The following MCTP1 variants were observed in gnomAD, a reference collection of about 807,000 sequenced individuals.
MCTP1 encodes the protein multiple C2 and transmembrane domain-containing protein 1.
In MCTP1, 69 loss-of-function variants were observed where a neutral mutation model predicts 120.6. The observed-to-expected ratio is 0.57, with a 90% CI of 0.47 to 0.70. The LOEUF is 0.70. Among genes scored for constraint, MCTP1 ranks in the 30% least tolerant of loss-of-function variants. The probability of loss-of-function intolerance (pLI) is 0.00; values close to 1 mark genes in which losing one functional copy is unlikely to be tolerated. For missense variants in MCTP1, 1,203 were observed against 1,248.8 expected, an observed-to-expected ratio of 0.96 and a Z score of 0.55; for synonymous variants, 529 against 493.1, an observed-to-expected ratio of 1.07 and a Z score of -0.96.
chr5:94,735,947 T>C (rs1297318300), intron 19 of MCTP1, among the ~76,000 whole-genome samples: 1 of 152,224 alleles, frequency 6.6e-6, no homozygotes, highest in African/African-American at 2.4e-5. Flanking sequence ...GTACACAGGC[T>C]ATAGAGCCAA....
At chr5:95,053,301 A>T (rs1746495671) in intron 1 of MCTP1, among the ~76,000 whole-genome samples, 1 of 152,194 alleles carries the variant, frequency 6.6e-6, no homozygotes, top group Non-Finnish European at 1.5e-5. Context: ...AAAATCATGC[A>T]CTCCAAAGTA....
At position 95,262,926 on chromosome 5, in the gene MCTP1, G is replaced by A. The variant is rs143005593; in HGVS notation, c.720+20930C>T. ...TATATTTGTTATTCAATTTGATTTC[G>A]CATTATGGGGCATTTACTATGTGCA... On this transcript the variant is annotated intron_variant, in intron 1 of 22. Transcript: ENST00000515393. 5.9e-5 allele frequency among the ~76,000 whole-genome samples: 9 copies of A among 151,974 alleles called. No individual in the cohort carries two copies. In the East Asian group the frequency reaches 1.2e-3, roughly 20 times the overall value.
intron 6 of MCTP1, among the ~76,000 whole-genome samples, chr5:94,930,230 C>T (rs1814253588): frequency 9.3e-6 from 1 of 107,526 alleles, no homozygotes; most frequent in African/African-American, 3.7e-5. Context: ...ATTATATTTA[C>T]ATTTAAATAT....
chr5:95,167,272 T>G (rs568882954), intron 1 of MCTP1, among the ~76,000 whole-genome samples: 1 of 152,238 alleles, frequency 6.6e-6, no homozygotes, highest in Non-Finnish European at 1.5e-5. Context: ...TATTCCATGG[T>G]GTATATGTGC....
At chr5:95,053,714 G>C (rs1294807260) in intron 1 of MCTP1, among the ~76,000 whole-genome samples, 1 of 152,112 alleles carries the variant, frequency 6.6e-6, no homozygotes. Flanking sequence ...CAGTAGGTGA[G>C]GGGCTCTGAC....
chr5:94,983,849 A>G (rs1829976994), intron 2 of MCTP1, among the ~76,000 whole-genome samples: 1 of 152,226 alleles, frequency 6.6e-6, no homozygotes, highest in Admixed American at 6.5e-5. Context: ...GCCGAAGCTG[A>G]GCAACCTTGT....
chr5:94,932,027 A>T, intron 5 of MCTP1, 36 bp from the exon 6 acceptor site: 3 of 1,462,540 alleles, frequency 2.1e-6, no homozygotes, highest in Non-Finnish European at 2.9e-6. Flanking sequence ...TTATCTTTTC[A>T]CTCAAGAACA....
At chr5:95,264,968 C>A (rs982595615) in intron 1 of MCTP1, among the ~76,000 whole-genome samples, 4 of 152,134 alleles carry the variant, frequency 2.6e-5, no homozygotes, top group African/African-American at 7.2e-5. Flanking sequence ...CAGGTGTGAC[C>A]AATACACTCT....
At chr5:94,943,764 C>T (rs1281823926) in intron 3 of MCTP1, among the ~76,000 whole-genome samples, 1 of 151,600 alleles carries the variant, frequency 6.6e-6, no homozygotes, top group Non-Finnish European at 1.5e-5. Context: ...TAAGGAAGAT[C>T]AGGGAAACCG....
chr5:95,284,217 G>A lies in MCTP1; in HGVS notation c.359C>T (p.Thr120Met). 1 of 1,578,260 alleles carries A rather than the reference G, an allele frequency of 6.3e-7. No individual in the cohort carries two copies. The highest frequency in any genetic ancestry group is 8.6e-7 in the Non-Finnish European group (1 of 1,168,100). Residue 120 changes from threonine to methionine, a missense_variant, in exon 1 of 23, where the codon ACG (threonine) becomes ATG (methionine). Physicochemically the swap from Thr to Met is moderately conservative, Grantham distance 81. This residue lies in a region of MCTP1 where 463 missense variants were observed against 377.8 expected (regional missense o/e 1.23). Coordinates refer to ENST00000515393, the MANE Select transcript of MCTP1 (RefSeq NM_024717.7). This position sits in a 1 kb window ranked among gnomAD's most constrained non-coding sequence, Gnocchi z 5.2. ...GGAGRAEQGS[T>M]LRRRIREHLL... Reference sequence around the variant, plus strand: ...ATGCTCGCGGATCCGGCGGCGTAGCGTGGACCCCTGCTCGGCTCTGCCGGC... The same window carrying A: ...ATGCTCGCGGATCCGGCGGCGTAGCATGGACCCCTGCTCGGCTCTGCCGGC...
chr5:95,049,638 T>G (rs1363497058), intron 1 of MCTP1, among the ~76,000 whole-genome samples: 1 of 152,204 alleles, frequency 6.6e-6, no homozygotes, highest in Non-Finnish European at 1.5e-5. Context: ...AAAGAAATTA[T>G]TCTCTCACTT....
intron 1 of MCTP1, among the ~76,000 whole-genome samples, chr5:95,195,716 G>C (rs1363816989): frequency 6.6e-6 from 1 of 151,918 alleles, no homozygotes; most frequent in African/African-American, 2.4e-5. Flanking sequence ...GGGGTATAAA[G>C]TGACCGAGCT....
intron 1 of MCTP1, among the ~76,000 whole-genome samples, chr5:95,088,356 A>G (rs568160895): frequency 6.6e-6 from 1 of 152,354 alleles, no homozygotes; most frequent in East Asian, 1.9e-4. Flanking sequence ...ACCTTGAAAT[A>G]TGAAGTTAAG....
At chr5:95,152,287 TGCATTTTC>T (rs1744619062) in intron 1 of MCTP1, among the ~76,000 whole-genome samples, 1 of 152,222 alleles carries the variant, frequency 6.6e-6, no homozygotes. Flanking sequence ...CCACTATTTT[TGCATTTTC>T]AAATTAGGCA....
At position 95,014,913 on chromosome 5, in the gene MCTP1, C is replaced by T. The variant is rs187037240; in HGVS notation, c.838+2454G>A. Among the ~76,000 whole-genome samples the T allele has an allele frequency of 3.0e-3, 458 of 152,254 alleles. 4 individuals are homozygous for T. The highest frequency in any genetic ancestry group is 0.01 in the African/African-American group (433 of 41,544). ...ATTTTATGAAATTGCCACAGCCACT[C>T]CAACCTTCAACAACCACCACCCTAA... On this transcript the variant is annotated intron_variant, in intron 2 of 22. Transcript: ENST00000515393.
chr5:94,791,126 A>AG (rs1433979163), intron 18 of MCTP1, among the ~76,000 whole-genome samples: 4 of 150,014 alleles, frequency 2.7e-5, no homozygotes, highest in Non-Finnish European at 4.4e-5. Context: ...AAAAAAAAAA[A>AG]AAAAAAAGAA....
intron 1 of MCTP1, among the ~76,000 whole-genome samples, chr5:95,204,119 T>C (rs547844204): frequency 3.9e-5 from 6 of 152,258 alleles, no homozygotes; most frequent in South Asian, 2.1e-4. Context: ...AATTTCAAAA[T>C]TGGACATTTT....
chr5:94,813,080 T>A (rs1486855577), intron 17 of MCTP1, among the ~76,000 whole-genome samples: 1 of 152,030 alleles, frequency 6.6e-6, no homozygotes, highest in African/African-American at 2.4e-5. Flanking sequence ...AAATAATATA[T>A]CTGATTAAGG....
At chr5:94,812,179 T>G (rs771314487) in intron 17 of MCTP1, among the ~76,000 whole-genome samples, 35 of 152,172 alleles carry the variant, frequency 2.3e-4, no homozygotes, top group Non-Finnish European at 4.7e-4. Context: ...TAAGCAGGCA[T>G]TAATCGTAGG....
Sources: gnomAD v4.1 joint callset for allele counts (sites outside exome capture counted in the v4.1 genomes callset) on GRCh38, gnomAD v4.1.1 for gene constraint, gnomAD v4.1.1 regional missense constraint, Gnocchi (gnomAD v3.1) non-coding constraint, MANE v1.5 for transcripts, NCBI Gene and HGNC (gene_info 2026-07-23, HGNC 2026-07-21) for gene names.